DRC11: variants seen among roughly 807,000 people sequenced by gnomAD.
DRC11 encodes IQ and AAA domain-containing protein 1.
the DRC11 span, among the ~76,000 whole-genome samples, chr2:236,471,588 G>GTA: frequency 6.6e-6 from 1 of 152,156 alleles, no homozygotes; most frequent in African/African-American, 2.4e-5. This position sits in a 1 kb window ranked among gnomAD's most constrained non-coding sequence, Gnocchi z 4.6. Context: ...TAACACTTAC[G>GTA]TAGTGCTTAC....
chr2:236,356,052 C>T, the DRC11 span, among the ~76,000 whole-genome samples: 59 of 152,244 alleles, frequency 3.9e-4, no homozygotes, highest in Non-Finnish European at 6.3e-4. Flanking sequence ...ATGCTGCAGA[C>T]CACTGTGGGC....
the DRC11 span, among the ~76,000 whole-genome samples, chr2:236,342,622 G>A: frequency 1.3e-5 from 2 of 152,194 alleles, no homozygotes; most frequent in South Asian, 2.1e-4. This position sits in a 1 kb window ranked among gnomAD's most constrained non-coding sequence, Gnocchi z 5.8. Context: ...GGTGCAGGCC[G>A]AGTGGAGCTG....
the DRC11 span, chr2:236,407,705 TC>T: frequency 1.5e-5 from 4 of 265,290 alleles, no homozygotes; most frequent in Admixed American, 4.9e-5. Context: ...CTGCATCATT[TC>T]CCCCCTGTGA....
chr2:236,357,513 A>AAT, the DRC11 span, among the ~76,000 whole-genome samples: 141 of 126,920 alleles, frequency 1.1e-3, no homozygotes, highest in Non-Finnish European at 1.8e-3. Context: ...ACATATTATA[A>AAT]ATATATTTAT....
At chr2:236,487,405 C>T in the DRC11 span, among the ~76,000 whole-genome samples, 2 of 152,150 alleles carry the variant, frequency 1.3e-5, no homozygotes, top group Non-Finnish European at 2.9e-5. Flanking sequence ...CATCTTCTGG[C>T]CTAATTTTAT....
At chr2:236,471,880 A>G in the DRC11 span, among the ~76,000 whole-genome samples, 1 of 152,176 alleles carries the variant, frequency 6.6e-6, no homozygotes, top group Non-Finnish European at 1.5e-5. The surrounding 1 kb of genome is among the most constrained non-coding windows in gnomAD (Gnocchi z 4.6). Flanking sequence ...TAGATAAGTA[A>G]ACACAGATGT....
chr2:236,309,374 C>T, the DRC11 span, among the ~76,000 whole-genome samples: 42 of 152,226 alleles, frequency 2.8e-4, no homozygotes, highest in Middle Eastern at 3.4e-3. The surrounding 1 kb of genome is among the most constrained non-coding windows in gnomAD (Gnocchi z 5.7). Context: ...CCAAGTCTAG[C>T]CCATCCCGAG....
the DRC11 span, chr2:236,441,094 AG>A: frequency 6.4e-7 from 1 of 1,561,294 alleles, no homozygotes; most frequent in South Asian, 1.2e-5. Flanking sequence ...CTTCAACGTC[AG>A]GGTAGTCAGG....
the DRC11 span, among the ~76,000 whole-genome samples, chr2:236,370,167 A>G: frequency 6.6e-6 from 1 of 152,318 alleles, no homozygotes; most frequent in East Asian, 1.9e-4. This position sits in a 1 kb window ranked among gnomAD's most constrained non-coding sequence, Gnocchi z 5.5. Flanking sequence ...GAGGCAGAAC[A>G]CCACGTGAAG....
chr2:236,430,001 G>C, the DRC11 span, among the ~76,000 whole-genome samples: 1 of 152,108 alleles, frequency 6.6e-6, no homozygotes, highest in Non-Finnish European at 1.5e-5. This position sits in a 1 kb window ranked among gnomAD's most constrained non-coding sequence, Gnocchi z 6.0. Flanking sequence ...GTGGTTGTGT[G>C]GTGGTCTTGA....
At chr2:236,497,828 T>C in the DRC11 span, among the ~76,000 whole-genome samples, 1 of 152,236 alleles carries the variant, frequency 6.6e-6, no homozygotes, top group African/African-American at 2.4e-5. The surrounding 1 kb of genome is among the most constrained non-coding windows in gnomAD (Gnocchi z 5.1). Context: ...TATTTGTCCA[T>C]ATACACAGCT....
At chr2:236,446,264 C>T in the DRC11 span, among the ~76,000 whole-genome samples, 8 of 152,220 alleles carry the variant, frequency 5.3e-5, no homozygotes, top group Admixed American at 3.9e-4. The surrounding 1 kb of genome is among the most constrained non-coding windows in gnomAD (Gnocchi z 6.2). Context: ...GCTTTGGGCT[C>T]AGCACGCTAC....
At chr2:236,453,547 T>C in the DRC11 span, among the ~76,000 whole-genome samples, 1 of 152,208 alleles carries the variant, frequency 6.6e-6, no homozygotes, top group African/African-American at 2.4e-5. The surrounding 1 kb of genome is among the most constrained non-coding windows in gnomAD (Gnocchi z 4.9). Flanking sequence ...GTAAAGAATA[T>C]GACTCCCAAG....
the DRC11 span, chr2:236,392,299 G>A: frequency 3.8e-6 from 6 of 1,599,526 alleles, no homozygotes; most frequent in African/African-American, 8.0e-5. This position sits in a 1 kb window ranked among gnomAD's most constrained non-coding sequence, Gnocchi z 5.1. Flanking sequence ...GATCAGTTCT[G>A]GATCATAGTC....
chr2:236,495,819 C>T, the DRC11 span, among the ~76,000 whole-genome samples: 10 of 152,150 alleles, frequency 6.6e-5, no homozygotes, highest in Non-Finnish European at 8.8e-5. The surrounding 1 kb of genome is among the most constrained non-coding windows in gnomAD (Gnocchi z 5.6). Flanking sequence ...GCCCTCTGCA[C>T]GAAGGCTTCC....
the DRC11 span, chr2:236,486,688 T>C: frequency 1.5e-6 from 1 of 645,284 alleles, no homozygotes; most frequent in Non-Finnish European, 2.7e-6. The surrounding 1 kb of genome is among the most constrained non-coding windows in gnomAD (Gnocchi z 5.7). Context: ...GGCAGGCTTC[T>C]GTACCATATG....
At chr2:236,387,173 T>C in the DRC11 span, among the ~76,000 whole-genome samples, 1 of 149,630 alleles carries the variant, frequency 6.7e-6, no homozygotes, top group Non-Finnish European at 1.5e-5. Context: ...TAGATGTCTA[T>C]TAGGTCCGCT....
chr2:236,408,970 G>A, the DRC11 span: 1 of 709,158 alleles, frequency 1.4e-6, no homozygotes, highest in Non-Finnish European at 2.6e-6. The surrounding 1 kb of genome is among the most constrained non-coding windows in gnomAD (Gnocchi z 5.5). Flanking sequence ...GGCTTGGAAG[G>A]GTCATCCTTA....
At chr2:236,503,582 G>C in the DRC11 span, 1 of 1,499,776 alleles carries the variant, frequency 6.7e-7, no homozygotes, top group Non-Finnish European at 9.1e-7. This position sits in a 1 kb window ranked among gnomAD's most constrained non-coding sequence, Gnocchi z 4.9. Context: ...ATTCCCGGCT[G>C]ACAGGAAAAT....
Sources: gnomAD v4.1 joint callset for allele counts (sites outside exome capture counted in the v4.1 genomes callset) on GRCh38, gnomAD v4.1.1 for gene constraint, Gnocchi (gnomAD v3.1) non-coding constraint, MANE v1.5 for transcripts, NCBI Gene and HGNC (gene_info 2026-07-23, HGNC 2026-07-21) for gene names.